Variants in IQCK observed in about 807,000 individuals in gnomAD.
IQCK encodes IQ motif containing K, also known as IQ domain-containing protein K.
Under a neutral mutation model 28.1 loss-of-function variants are expected in IQCK, and 29 were observed. That is an observed-to-expected ratio of 1.03 (90% CI 0.77 to 1.41). IQCK has a LOEUF of 1.41. Ranked by LOEUF, IQCK falls within the 40% of genes most tolerant of loss-of-function variation. The pLI, the probability that IQCK is intolerant of heterozygous loss-of-function variation, is 0.00. For synonymous variants in IQCK, 113 were observed against 115.1 expected, an observed-to-expected ratio of 0.98 and a Z score of 0.12; for missense variants, 359 against 314.7, an observed-to-expected ratio of 1.14 and a Z score of -1.07.
At chr16:19,774,585 A>T (rs937268232) in intron 6 of IQCK, among the ~76,000 whole-genome samples, 1 of 151,918 alleles carries the variant, frequency 6.6e-6, no homozygotes, top group Admixed American at 6.6e-5. Context: ...GACTGTCTGG[A>T]ACTCCTGAGC....
intron 6 of IQCK, among the ~76,000 whole-genome samples, chr16:19,775,204 G>A (rs2055373681): frequency 6.7e-6 from 1 of 150,314 alleles, no homozygotes; most frequent in African/African-American, 2.5e-5. Flanking sequence ...TGCAGCCTGG[G>A]CGACAGGGTG....
At chr16:19,827,971 G>T (rs149086820), downstream of IQCK, among the ~76,000 whole-genome samples, 1 of 151,798 alleles carries the variant, frequency 6.6e-6, no homozygotes, top group African/African-American at 2.4e-5. Context: ...GGAGTGCAGC[G>T]GTGTGACCTT....
intron 4 of IQCK, among the ~76,000 whole-genome samples, chr16:19,738,071 T>C (rs562843975): frequency 3.3e-5 from 5 of 152,354 alleles, no homozygotes; most frequent in African/African-American, 1.2e-4. Flanking sequence ...TACTTAATTT[T>C]ATGCATGTCT....
chr16:19,748,294 G>A (rs922484018), intron 4 of IQCK, among the ~76,000 whole-genome samples: 1 of 151,884 alleles, frequency 6.6e-6, no homozygotes, highest in African/African-American at 2.4e-5. Flanking sequence ...AGGCCAGTCT[G>A]AAACTTCTGA....
At chr16:19,754,579 GAC>G (rs1426628495) in intron 4 of IQCK, among the ~76,000 whole-genome samples, 2 of 151,906 alleles carry the variant, frequency 1.3e-5, no homozygotes, top group Admixed American at 6.6e-5. Context: ...ATGATCTCAC[GAC>G]ACAAAAATTT....
At chr16:19,853,739 C>T (rs2056516898) in intron 9 of IQCK, among the ~76,000 whole-genome samples, 2 of 152,224 alleles carry the variant, frequency 1.3e-5, no homozygotes, top group South Asian at 4.1e-4. Context: ...AGCGATTCTC[C>T]TGCCTCAGGC....
chr16:19,853,457 A>C (rs1296672815), intron 9 of IQCK, among the ~76,000 whole-genome samples: 3 of 152,208 alleles, frequency 2.0e-5, no homozygotes, highest in African/African-American at 7.2e-5. Context: ...AAGGTTGTCA[A>C]GGTATGGACA....
chr16:19,764,976 G>T (rs1446509108), intron 6 of IQCK, among the ~76,000 whole-genome samples: 1 of 142,330 alleles, frequency 7.0e-6, no homozygotes, highest in African/African-American at 2.6e-5. Flanking sequence ...TGGGATTACA[G>T]GCGTGAGCCA....
intron 6 of IQCK, among the ~76,000 whole-genome samples, chr16:19,770,532 C>T (rs2055306237): frequency 6.7e-6 from 1 of 150,200 alleles, no homozygotes; most frequent in South Asian, 2.1e-4. Context: ...GCCTGCATTC[C>T]TTGGCTAGTG....
In IQCK at chr16:19,814,168, C is replaced by T. The variant is rs908629460; in HGVS notation, c.691-12858C>T. ...CCAGGAGGTGGAGGTTGCAGTGAGC[C>T]GAGATCGTGCCATTGCACTCCAGCC... On this transcript the variant is annotated intron_variant, in intron 7 of 7. Coordinates refer to ENST00000564186, the Ensembl canonical transcript of IQCK. Among the ~76,000 whole-genome samples, 4 of 141,804 alleles carry T rather than the reference C, an allele frequency of 2.8e-5. No individual in the cohort carries two copies. In the South Asian group the frequency reaches 6.6e-4, roughly 23 times the overall value. 93.0% of individuals were successfully genotyped at this position (141,804 alleles called of 152,430 possible).
intron 9 of IQCK, among the ~76,000 whole-genome samples, chr16:19,855,451 C>T (rs773885930): frequency 6.6e-6 from 1 of 152,110 alleles, no homozygotes; most frequent in Non-Finnish European, 1.5e-5. Context: ...AGTAGCAGGG[C>T]GTGGTGGTGC....
At position 19,764,023 on chromosome 16, in the gene IQCK, C is replaced by T. The variant is rs1340409338; in HGVS notation, c.528-12C>T. The T allele has an allele frequency of 6.2e-7, 1 of 1,613,064 alleles. No homozygotes were observed. Among genetic ancestry groups the T allele is most frequent in the East Asian group, 2.2e-5 (1 of 44,872 alleles). ...GTTTTCTTGTCAATCAAACATATGGCATCATGACCAGCCAAAATCCAAAGA... is the reference window on the plus strand; with the variant it reads ...GTTTTCTTGTCAATCAAACATATGGTATCATGACCAGCCAAAATCCAAAGA... On this transcript the variant is annotated splice_polypyrimidine_tract_variant and intron_variant, in intron 5 of 7. Transcript: ENST00000564186.
At chr16:19,752,844 A>G (rs905834893) in intron 4 of IQCK, among the ~76,000 whole-genome samples, 4 of 152,174 alleles carry the variant, frequency 2.6e-5, no homozygotes, top group Non-Finnish European at 5.9e-5. Context: ...GATTACAGGT[A>G]TGAGCCATCG....
intron 7 of IQCK, among the ~76,000 whole-genome samples, chr16:19,812,078 C>G (rs752761685): frequency 3.3e-5 from 5 of 151,408 alleles, no homozygotes; most frequent in Non-Finnish European, 5.9e-5. Context: ...GTCTCTGCCT[C>G]CCGGGTTCAA....
intron 6 of IQCK, chr16:19,764,326 T>C: frequency 2.3e-6 from 1 of 425,622 alleles, no homozygotes; most frequent in Non-Finnish European, 4.2e-6. Flanking sequence ...AGAAATAAAA[T>C]AGAAAACTTA....
chr16:19,763,984 A>G, intron 5 of IQCK, 51 bp from the exon 6 acceptor site: 1 of 1,602,072 alleles, frequency 6.2e-7, no homozygotes, highest in Non-Finnish European at 8.6e-7. Flanking sequence ...AACTGACTTG[A>G]ATTCTTGCTT....
At chr16:19,838,712 G>C (rs2056327469) in intron 9 of IQCK, among the ~76,000 whole-genome samples, 1 of 152,128 alleles carries the variant, frequency 6.6e-6, no homozygotes, top group Non-Finnish European at 1.5e-5. Context: ...ACAGCAAACA[G>C]AATGAGTAGA....
intron 7 of IQCK, among the ~76,000 whole-genome samples, chr16:19,793,643 GTTTTTTTTTTTTTT>G (rs1285541664): frequency 5.0e-4 from 31 of 61,800 alleles, no homozygotes; most frequent in Middle Eastern, 0.022. Context: ...TCTCAGTTGG[GTTTTTTTTTTTTTT>G]TTTTTTTTTT....
chr16:19,761,528 C>T (rs1341525021), intron 4 of IQCK: 1 of 310,650 alleles, frequency 3.2e-6, no homozygotes, highest in African/African-American at 2.2e-5. Flanking sequence ...GCAACGAACA[C>T]CTCTAGACTG....
Sources: allele counts gnomAD v4.1 joint callset (sites outside exome capture counted in the v4.1 genomes callset), GRCh38; gene constraint gnomAD v4.1.1; transcripts MANE v1.5; gene names NCBI Gene and HGNC (gene_info 2026-07-23, HGNC 2026-07-21).